The following FSIP1 variants were observed in gnomAD, a reference collection of about 807,000 sequenced individuals.
FSIP1 encodes fibrous sheath interacting protein 1.
FSIP1 carries 65 observed loss-of-function variants against 60.9 expected under a neutral mutation model. That is an observed-to-expected ratio of 1.07 (90% confidence interval 0.87 to 1.31). The LOEUF (loss-of-function observed/expected upper bound fraction) is 1.31, where lower values mean the gene tolerates loss of function less well. Among genes scored for constraint, FSIP1 ranks in the 40% most tolerant of loss-of-function variants. The pLI, the probability that FSIP1 is intolerant of heterozygous loss-of-function variation, is 0.00. For synonymous variants in FSIP1, 209 were observed against 221.2 expected (o/e 0.94, Z 0.49); for missense variants, 675 against 665.5 (o/e 1.01, Z -0.16).
At chr15:39,739,812 T>C (rs540996260) in intron 6 of FSIP1, 23 bp from the exon 7 acceptor site, 12 of 1,464,692 alleles carry the variant, frequency 8.2e-6, no homozygotes, top group Middle Eastern at 1.8e-4. Context: ...AAGTTCAAAA[T>C]TTTTTCATAA....
chr15:39,639,247 A>T (rs1363317234), intron 10 of FSIP1, among the ~76,000 whole-genome samples: 2 of 152,146 alleles, frequency 1.3e-5, no homozygotes, highest in African/African-American at 4.8e-5. Context: ...AGTCCAGAGG[A>T]ATTTAAGAGA....
At chr15:39,626,901 T>C (rs1566858084) in intron 10 of FSIP1, among the ~76,000 whole-genome samples, 1 of 152,166 alleles carries the variant, frequency 6.6e-6, no homozygotes. Flanking sequence ...ACTTGATCAG[T>C]GCCACGATCA....
chr15:39,621,056 T>TAAAA (rs369925726), intron 10 of FSIP1, among the ~76,000 whole-genome samples: 1 of 134,800 alleles, frequency 7.4e-6, no homozygotes, highest in African/African-American at 2.7e-5. Context: ...GGGCATTTCT[T>TAAAA]AAAAAAAAAA....
At chr15:39,695,747 G>T (rs908064316) in intron 10 of FSIP1, among the ~76,000 whole-genome samples, 8 of 152,222 alleles carry the variant, frequency 5.3e-5, no homozygotes, top group African/African-American at 1.9e-4. Flanking sequence ...TGTTGATCAT[G>T]TGTGTTTGCA....
chr15:39,602,647 A>T (rs1031285408), intron 11 of FSIP1, among the ~76,000 whole-genome samples: 2 of 152,202 alleles, frequency 1.3e-5, no homozygotes, highest in Non-Finnish European at 1.5e-5. Context: ...GTGGATCACA[A>T]TACCCCCATG....
At chr15:39,630,521 T>C (rs1440274994) in intron 10 of FSIP1, among the ~76,000 whole-genome samples, 4 of 152,208 alleles carry the variant, frequency 2.6e-5, no homozygotes, top group African/African-American at 9.6e-5. Flanking sequence ...TCAGTTGCAC[T>C]GGGGGTGGGG....
chr15:39,600,895 T>C lies in FSIP1; in HGVS notation c.1731A>G (p.Glu577=), dbSNP rs1396422990. ...AAGTCCTTGATTAGGGTTCTTTACATTCTTCTGCTGCATCTTTAGTCTCCT... is the reference window on the plus strand; with the variant it reads ...AAGTCCTTGATTAGGGTTCTTTACACTCTTCTGCTGCATCTTTAGTCTCCT... ...DEQETKDAAE[E]CKEP Residue 577 remains glutamate, a synonymous_variant, in exon 12 of 12, where the codon GAA becomes GAG. Transcript: ENST00000350221. 6.2e-7 allele frequency: 1 copy of C among 1,610,702 alleles called. No individual in the cohort carries two copies. The highest frequency in any genetic ancestry group is 1.1e-5 in the South Asian group (1 of 90,080).
At chr15:39,633,091 C>CTTTTTTTTTTTTTTT (rs869063502) in intron 10 of FSIP1, among the ~76,000 whole-genome samples, 2 of 112,870 alleles carry the variant, frequency 1.8e-5, no homozygotes, top group African/African-American at 7.4e-5. Context: ...GGCTATACTT[C>CTTTTTTTTTTTTTTT]TTTTTTTTTT....
intron 9 of FSIP1, among the ~76,000 whole-genome samples, chr15:39,725,007 C>T (rs901739203): frequency 3.3e-5 from 5 of 152,024 alleles, no homozygotes; most frequent in Non-Finnish European, 5.9e-5. Flanking sequence ...CAAAGGCAGG[C>T]GGATCACGAG....
intron 10 of FSIP1, among the ~76,000 whole-genome samples, chr15:39,670,496 T>C (rs1893675832): frequency 6.6e-6 from 1 of 152,262 alleles, no homozygotes; most frequent in African/African-American, 2.4e-5. Context: ...TTTTTCTTTT[T>C]TTAGAGACAG....
chr15:39,753,293 C>A (rs1266053062), intron 5 of FSIP1, among the ~76,000 whole-genome samples: 2 of 152,052 alleles, frequency 1.3e-5, no homozygotes, highest in Non-Finnish European at 2.9e-5. Flanking sequence ...TGTTTCAAAT[C>A]ATAGAAATAA....
chr15:39,735,449 T>TAAA (rs971018130), intron 8 of FSIP1, among the ~76,000 whole-genome samples: 3 of 152,188 alleles, frequency 2.0e-5, no homozygotes, highest in African/African-American at 7.2e-5. Context: ...AAATATGGTA[T>TAAA]AAAAATCTTT....
chr15:39,654,915 T>C (rs1484858427), intron 10 of FSIP1, among the ~76,000 whole-genome samples: 2 of 152,246 alleles, frequency 1.3e-5, no homozygotes, highest in East Asian at 3.8e-4. Context: ...AGGCAAATCA[T>C]GAAATCACGT....
intron 11 of FSIP1, among the ~76,000 whole-genome samples, chr15:39,612,158 T>C (rs1168058222): frequency 2.0e-5 from 3 of 152,210 alleles, no homozygotes; most frequent in Non-Finnish European, 2.9e-5. Flanking sequence ...TTAAATCAAA[T>C]GGACCTCACA....
intron 8 of FSIP1, among the ~76,000 whole-genome samples, chr15:39,735,934 G>A (rs1258582504): frequency 6.6e-6 from 1 of 152,144 alleles, no homozygotes; most frequent in Non-Finnish European, 1.5e-5. Context: ...TTGTCCCACT[G>A]GAAGGTCTTC....
chr15:39,736,881 G>C (rs1301920821), intron 8 of FSIP1, among the ~76,000 whole-genome samples: 5 of 152,170 alleles, frequency 3.3e-5, no homozygotes, highest in Non-Finnish European at 7.4e-5. Context: ...CTGCACCAGA[G>C]AGCTAATCTC....
intron 10 of FSIP1, among the ~76,000 whole-genome samples, chr15:39,702,531 C>T (rs972253317): frequency 2.6e-4 from 35 of 134,492 alleles, no homozygotes; most frequent in Non-Finnish European, 4.4e-4. Flanking sequence ...AGAACTCTCC[C>T]GTCCAGAGAT....
At position 39,655,903 on chromosome 15, in the gene FSIP1, T is replaced by C. The variant is rs140962627; in HGVS notation, c.1189-37658A>G. Among the ~76,000 whole-genome samples, 570 of 152,246 alleles carry C rather than the reference T, an allele frequency of 3.7e-3. 4 individuals are homozygous for C. Among genetic ancestry groups the C allele is most frequent in the African/African-American group, 0.013 (544 of 41,550 alleles). Reference sequence around the variant, plus strand: ...ACTAAATGCAACCATTTCTGTTGCATACAGACAGAGAAAATTAATACATTT... The same window carrying C: ...ACTAAATGCAACCATTTCTGTTGCACACAGACAGAGAAAATTAATACATTT... On this transcript the variant is annotated intron_variant, in intron 10 of 11. Coordinates refer to ENST00000350221, the MANE Select transcript of FSIP1 (RefSeq NM_152597.5).
intron 10 of FSIP1, among the ~76,000 whole-genome samples, chr15:39,677,230 G>A (rs79993470): frequency 0.016 from 2,462 of 152,276 alleles, 57 homozygotes; most frequent in African/African-American, 0.056. Flanking sequence ...TTTCAGAAAA[G>A]TATTCCATGA....
Sources: gnomAD v4.1 joint callset for allele counts (sites outside exome capture counted in the v4.1 genomes callset) on GRCh38, gnomAD v4.1.1 for gene constraint, MANE v1.5 for transcripts, NCBI Gene and HGNC (gene_info 2026-07-23, HGNC 2026-07-21) for gene names.